ASTN2: variants seen among roughly 807,000 people sequenced by gnomAD.
The protein encoded by ASTN2 is astrotactin-2.
ASTN2 carries 54 observed loss-of-function variants against 139.8 expected under a neutral mutation model. The ratio of observed to expected loss-of-function variants is 0.39; its 90% CI spans 0.31 to 0.48. ASTN2 has a LOEUF of 0.48. Ranked by LOEUF, ASTN2 falls within the 20% of genes least tolerant of loss-of-function variation. The pLI, the probability that ASTN2 is intolerant of heterozygous loss-of-function variation, is 0.95. For missense variants in ASTN2, 1,565 were observed against 1,725.1 expected, an observed-to-expected ratio of 0.91 and a Z score of 1.64; for synonymous variants, 756 against 719.5, an observed-to-expected ratio of 1.05 and a Z score of -0.81.
chr9:116,951,914 C>T (rs1226339922), intron 10 of ASTN2, among the ~76,000 whole-genome samples: 3 of 152,070 alleles, frequency 2.0e-5, no homozygotes, highest in South Asian at 2.1e-4. Flanking sequence ...CTTACCTAAC[C>T]CCATAGTTTC....
chr9:117,356,446 G>A (rs185421138), intron 1 of ASTN2, among the ~76,000 whole-genome samples: 39 of 152,262 alleles, frequency 2.6e-4, no homozygotes, highest in African/African-American at 8.7e-4. Flanking sequence ...CAAGTGGCAT[G>A]GCCATCAATT....
chr9:117,110,787 C>A (rs549042495), intron 4 of ASTN2, among the ~76,000 whole-genome samples: 16 of 152,340 alleles, frequency 1.1e-4, no homozygotes, highest in African/African-American at 3.6e-4. Context: ...TCTACACTTA[C>A]AGCATAGCTC....
At chr9:117,344,395 A>G (rs1161805197) in intron 1 of ASTN2, among the ~76,000 whole-genome samples, 1 of 152,126 alleles carries the variant, frequency 6.6e-6, no homozygotes, top group Non-Finnish European at 1.5e-5. Flanking sequence ...CAGGTCCCCA[A>G]AGACCCTGCC....
intron 17 of ASTN2, among the ~76,000 whole-genome samples, chr9:116,639,771 C>T (rs1044220508): frequency 2.0e-5 from 3 of 152,164 alleles, no homozygotes; most frequent in Non-Finnish European, 4.4e-5. Flanking sequence ...TGATGGCTGG[C>T]TACACTCTCT....
At chr9:117,119,323 G>T (rs34499290) in intron 4 of ASTN2, among the ~76,000 whole-genome samples, 22 of 152,136 alleles carry the variant, frequency 1.4e-4, no homozygotes, top group Non-Finnish European at 2.6e-4. Flanking sequence ...ATTTGATTAG[G>T]CATGGTGTGC....
intron 1 of ASTN2, among the ~76,000 whole-genome samples, chr9:117,391,246 T>C (rs537469577): frequency 1.3e-5 from 2 of 152,150 alleles, no homozygotes; most frequent in Non-Finnish European, 2.9e-5. Context: ...ATAAGCACAA[T>C]GGGAAGTCAT....
intron 13 of ASTN2, among the ~76,000 whole-genome samples, chr9:116,781,701 C>A (rs1021148384): frequency 1.3e-5 from 2 of 152,106 alleles, no homozygotes; most frequent in Admixed American, 6.6e-5. Flanking sequence ...TCTTCTGATT[C>A]CTCCATGGGT....
intron 3 of ASTN2, chr9:117,181,321 A>G (rs1831060571): frequency 2.5e-6 from 1 of 402,646 alleles, no homozygotes; most frequent in African/African-American, 2.0e-5. Flanking sequence ...CCCAGGTCAA[A>G]GAGCTGGTAA....
At chr9:116,743,782 C>T (rs541384896) in intron 13 of ASTN2, among the ~76,000 whole-genome samples, 1 of 152,100 alleles carries the variant, frequency 6.6e-6, no homozygotes, top group East Asian at 1.9e-4. Flanking sequence ...GGATTTCAGG[C>T]GTGAGCCACC....
chr9:116,721,761 T>A (rs73515279), intron 16 of ASTN2, among the ~76,000 whole-genome samples: 1,872 of 152,280 alleles, frequency 0.012, 32 homozygotes, highest in African/African-American at 0.043. Context: ...AAGCTCAGAA[T>A]TCCCACCTGG....
intron 1 of ASTN2, among the ~76,000 whole-genome samples, chr9:117,369,937 T>A (rs1044192811): frequency 6.6e-6 from 1 of 152,070 alleles, no homozygotes; most frequent in Non-Finnish European, 1.5e-5. Context: ...CAGGCCCAGG[T>A]TGCCTCTTTA....
At chr9:116,715,181 G>T (rs1332644543) in intron 16 of ASTN2, among the ~76,000 whole-genome samples, 4 of 151,078 alleles carry the variant, frequency 2.6e-5, no homozygotes, top group African/African-American at 9.7e-5. Flanking sequence ...AAAGTGGCCA[G>T]TTGTTTTCAC....
chr9:117,322,175 A>G (rs1828346634), intron 1 of ASTN2, among the ~76,000 whole-genome samples: 1 of 152,038 alleles, frequency 6.6e-6, no homozygotes. Flanking sequence ...GATAGGAGAT[A>G]GACCCCTCCT....
intron 1 of ASTN2, among the ~76,000 whole-genome samples, chr9:117,344,628 A>G (rs745964518): frequency 6.6e-6 from 1 of 152,138 alleles, no homozygotes; most frequent in Non-Finnish European, 1.5e-5. Context: ...TTGTATGAGA[A>G]GAAGCATGTT....
intron 16 of ASTN2, chr9:116,697,500 C>CCTAT (rs759526539): frequency 1.9e-6 from 1 of 521,072 alleles, no homozygotes; most frequent in Non-Finnish European, 3.4e-6. Flanking sequence ...GGTTTGTTTC[C>CCTAT]CTATCTGTCA....
intron 19 of ASTN2, among the ~76,000 whole-genome samples, chr9:116,515,333 G>A (rs4837583): frequency 0.99 from 151,116 of 152,274 alleles, 74,990 homozygotes; most frequent in East Asian, 1. Flanking sequence ...AGTTATGGAC[G>A]TGAGATCTAG....
At chr9:116,806,002 T>A (rs902744842) in intron 12 of ASTN2, among the ~76,000 whole-genome samples, 182 bp from the exon 13 acceptor site, 1 of 152,188 alleles carries the variant, frequency 6.6e-6, no homozygotes, top group Non-Finnish European at 1.5e-5. Context: ...ATACTGCAAA[T>A]TGGTAAATTC....
intron 7 of ASTN2, among the ~76,000 whole-genome samples, chr9:116,999,536 CTTTCTCTCTTTCTTTTTTT>C (rs1485545277): frequency 8.8e-4 from 105 of 119,582 alleles, no homozygotes; most frequent in East Asian, 4.0e-3. Flanking sequence ...CTCTTTCTTT[CTTTCTCTCTTTCTTTTTTT>C]TTTTTTTTTT....
chr9:117,217,355 T>C (rs552726471), intron 2 of ASTN2, among the ~76,000 whole-genome samples: 1 of 152,264 alleles, frequency 6.6e-6, no homozygotes, highest in East Asian at 1.9e-4. Flanking sequence ...TGGGCCTTCA[T>C]TCCTCATCCC....
Sources: gnomAD v4.1 joint callset for allele counts (sites outside exome capture counted in the v4.1 genomes callset) on GRCh38, gnomAD v4.1.1 for gene constraint, MANE v1.5 for transcripts, NCBI Gene and HGNC (gene_info 2026-07-23, HGNC 2026-07-21) for gene names.